KCNIP4: variants seen among roughly 807,000 people sequenced by gnomAD.
The protein encoded by KCNIP4 is Kv channel-interacting protein 4.
KCNIP4 carries 12 observed loss-of-function variants against 34.0 expected under a neutral mutation model. The ratio of observed to expected loss-of-function variants is 0.35; its 90% CI spans 0.23 to 0.57. The LOEUF is 0.57. KCNIP4 is among the 20% of genes least tolerant of loss of function. KCNIP4 has a pLI of 0.83. For synonymous variants in KCNIP4, 124 were observed against 102.2 expected (o/e 1.21, Z -1.29); for missense variants, 238 against 311.7 (o/e 0.76, Z 1.78).
chr4:21,843,193 G>T (rs771672760), intron 1 of KCNIP4: 1 of 151,980 alleles, frequency 6.6e-6, no homozygotes, highest in Non-Finnish European at 1.5e-5. Flanking sequence ...TTTATTGGGA[G>T]AATGTAAAAA....
chr4:21,757,127 G>T (rs181137687), intron 1 of KCNIP4, among the ~76,000 whole-genome samples: 1,926 of 26,398 alleles, frequency 0.073, 78 homozygotes, highest in African/African-American at 0.2. Context: ...AAGAAAGAAA[G>T]AAAGAAAGAA....
chr4:21,366,939 G>T (rs766643495), intron 1 of KCNIP4, among the ~76,000 whole-genome samples: 2 of 152,150 alleles, frequency 1.3e-5, no homozygotes, highest in Non-Finnish European at 2.9e-5. Context: ...AGTATTAAGA[G>T]CTGAGGCATT....
intron 1 of KCNIP4, among the ~76,000 whole-genome samples, chr4:21,784,184 G>A (rs533593926): frequency 1.3e-5 from 2 of 152,154 alleles, no homozygotes; most frequent in East Asian, 1.9e-4. Context: ...GCTAGATCTC[G>A]TGAGAACCCA....
intron 3 of KCNIP4, among the ~76,000 whole-genome samples, chr4:20,786,788 C>T (rs867264048): frequency 6.6e-6 from 1 of 152,024 alleles, no homozygotes; most frequent in African/African-American, 2.4e-5. Context: ...GAAAAGGTAC[C>T]ATTTGTTAAA....
At chr4:21,415,647 A>C (rs935020852) in intron 1 of KCNIP4, among the ~76,000 whole-genome samples, 1 of 152,090 alleles carries the variant, frequency 6.6e-6, no homozygotes. Context: ...GGTTGTAGTG[A>C]GCTGAGAGTG....
chr4:21,948,083 C>G (rs1730601544), intron 1 of KCNIP4, among the ~76,000 whole-genome samples: 1 of 152,234 alleles, frequency 6.6e-6, no homozygotes, highest in Non-Finnish European at 1.5e-5. Flanking sequence ...GCTTTAGAAT[C>G]TGACATGGGC....
intron 1 of KCNIP4, among the ~76,000 whole-genome samples, chr4:20,952,756 G>T (rs534056083): frequency 1.3e-5 from 2 of 150,466 alleles, no homozygotes; most frequent in South Asian, 2.1e-4. Flanking sequence ...CTAACTTATT[G>T]TCTTGGTTTG....
intron 1 of KCNIP4, among the ~76,000 whole-genome samples, chr4:21,517,429 A>C (rs1004061463): frequency 6.6e-6 from 1 of 152,190 alleles, no homozygotes; most frequent in Admixed American, 6.5e-5. Context: ...AATAACTAAA[A>C]TTAATCAGAA....
At chr4:21,588,894 A>T (rs1245426764) in intron 1 of KCNIP4, among the ~76,000 whole-genome samples, 1 of 151,540 alleles carries the variant, frequency 6.6e-6, no homozygotes, top group South Asian at 2.1e-4. Flanking sequence ...TTATTCCTCA[A>T]TATTTAAATT....
chr4:21,630,882 C>T lies in KCNIP4; in HGVS notation c.61+317689G>A, dbSNP rs571351715. Among the ~76,000 whole-genome samples the T allele has an allele frequency of 1.4e-4, 21 of 152,250 alleles. No individual in the cohort carries two copies. In the South Asian group the frequency reaches 2.5e-3, roughly 18 times the overall value. On this transcript the variant is annotated intron_variant, in intron 1 of 8. Transcript: ENST00000382152. ...TTGAGTAACATGTTTTGCTACTCTC[C>T]TCACACCTACTTTTCAGAAATAACA... is the stretch of plus-strand genomic sequence containing the variant.
intron 1 of KCNIP4, among the ~76,000 whole-genome samples, chr4:21,237,067 T>C (rs755325569): frequency 5.3e-5 from 8 of 151,644 alleles, no homozygotes; most frequent in Non-Finnish European, 1.0e-4. Flanking sequence ...TTACAGCCCT[T>C]TGTCCTTCAA....
intron 1 of KCNIP4, among the ~76,000 whole-genome samples, chr4:21,466,355 C>T (rs558405590): frequency 3.0e-4 from 45 of 152,258 alleles, no homozygotes; most frequent in African/African-American, 1.0e-3. Flanking sequence ...ACCAAGATGG[C>T]CCCCTAATCT....
chr4:21,796,260 T>C (rs1458596950), intron 1 of KCNIP4, among the ~76,000 whole-genome samples: 1 of 152,148 alleles, frequency 6.6e-6, no homozygotes, highest in Non-Finnish European at 1.5e-5. Flanking sequence ...TTCTCAATTA[T>C]CTATAGCACA....
At chr4:20,906,165 AG>A (rs1428196449) in intron 1 of KCNIP4, among the ~76,000 whole-genome samples, 1 of 149,952 alleles carries the variant, frequency 6.7e-6, no homozygotes, top group African/African-American at 2.5e-5. Flanking sequence ...GCCTCCCAAC[AG>A]GGGGATTTTA....
chr4:21,198,723 T>C (rs1192143797), intron 1 of KCNIP4, among the ~76,000 whole-genome samples: 1 of 152,194 alleles, frequency 6.6e-6, no homozygotes, highest in African/African-American at 2.4e-5. Flanking sequence ...CTGTGCATCA[T>C]GTGGCACCTG....
chr4:21,034,916 G>A (rs544967967), intron 1 of KCNIP4, among the ~76,000 whole-genome samples: 1 of 152,166 alleles, frequency 6.6e-6, no homozygotes, highest in East Asian at 1.9e-4. Flanking sequence ...GCCCCCTAGG[G>A]TATGGATCAC....
At position 21,581,568 on chromosome 4, in the gene KCNIP4, T is replaced by TA. The variant is rs1741200485; in HGVS notation, c.61+367002dup. Among the ~76,000 whole-genome samples, 3 of 152,140 alleles carry TA rather than the reference T, an allele frequency of 2.0e-5. No individual in the cohort carries two copies. In the South Asian group the frequency reaches 6.2e-4, roughly 31 times the overall value. ...TTCAAAGCCTCTGCTCCTTCATCTG[T>TA]AAAATGAAGATAATAAATAGTACCT... is the stretch of plus-strand genomic sequence containing the variant. On this transcript the variant is annotated intron_variant, in intron 1 of 8. Coordinates refer to ENST00000382152, the MANE Select transcript of KCNIP4 (RefSeq NM_025221.6).
At chr4:21,549,344 G>C (rs6836515) in intron 1 of KCNIP4, among the ~76,000 whole-genome samples, 2 of 151,654 alleles carry the variant, frequency 1.3e-5, no homozygotes, top group African/African-American at 4.8e-5. Context: ...GTGGGGCCTG[G>C]TGGGAGGGGT....
At chr4:21,449,162 G>A (rs1335023088) in intron 1 of KCNIP4, among the ~76,000 whole-genome samples, 1 of 152,198 alleles carries the variant, frequency 6.6e-6, no homozygotes, top group Non-Finnish European at 1.5e-5. Context: ...TTGAGCCACA[G>A]AGAGTTATTC....
Sources: gnomAD v4.1 joint callset for allele counts (sites outside exome capture counted in the v4.1 genomes callset) on GRCh38, gnomAD v4.1.1 for gene constraint, MANE v1.5 for transcripts, NCBI Gene and HGNC (gene_info 2026-07-23, HGNC 2026-07-21) for gene names.